Variants in DPH1 observed in about 807,000 individuals in gnomAD.
The protein encoded by DPH1 is diphthamide biosynthesis 1, also known as 2-(3-amino-3-carboxypropyl)histidine synthase subunit 1.
DPH1 carries 59 observed loss-of-function variants against 55.3 expected under a neutral mutation model. That is an observed-to-expected ratio of 1.07 (90% CI 0.87 to 1.33). DPH1 has a LOEUF of 1.33. Ranked by LOEUF, DPH1 falls within the 40% of genes most tolerant of loss-of-function variation. The pLI, the probability that DPH1 is intolerant of heterozygous loss-of-function variation, is 0.00. For synonymous variants in DPH1, 238 were observed against 235.5 expected (o/e 1.01, Z -0.10); for missense variants, 628 against 584.8 (o/e 1.07, Z -0.76).
intron 1 of DPH1, among the ~76,000 whole-genome samples, chr17:2,032,578 C>G (rs1467800356): frequency 6.6e-6 from 1 of 152,166 alleles, no homozygotes; most frequent in Non-Finnish European, 1.5e-5. Context: ...TGTTACCAAA[C>G]TCAACTTGGG....
intron 12 of DPH1, 152 bp downstream of exon 12, chr17:2,042,027 C>T: frequency 6.7e-7 from 1 of 1,499,380 alleles, no homozygotes; most frequent in African/African-American, 1.4e-5. Context: ...CCGGTGCTTC[C>T]GTCGCTCCTT....
intron 1 of DPH1, 57 bp downstream of exon 1, chr17:2,030,287 G>A: frequency 6.6e-7 from 1 of 1,526,532 alleles, no homozygotes; most frequent in Non-Finnish European, 8.8e-7. Context: ...GGGCCCCCAA[G>A]TTAGGGACAG....
intron 1 of DPH1, 104 bp downstream of exon 1, chr17:2,030,334 G>T (rs1353007611): frequency 1.5e-6 from 2 of 1,325,988 alleles, no homozygotes; most frequent in African/African-American, 3.0e-5. Context: ...GCCTTTCTCC[G>T]CTAGATCCCG....
At chr17:2,030,344 G>C in intron 1 of DPH1, 114 bp downstream of exon 1, 1 of 1,260,372 alleles carries the variant, frequency 7.9e-7, no homozygotes, top group Non-Finnish European at 1.1e-6. Flanking sequence ...GCTAGATCCC[G>C]CTGTTAGTCG....
intron 1 of DPH1, among the ~76,000 whole-genome samples, chr17:2,031,927 C>T (rs903545671): frequency 3.9e-5 from 6 of 152,128 alleles, no homozygotes; most frequent in African/African-American, 1.4e-4. Context: ...GACAAGGTCA[C>T]TTTTCTGTCC....
chr17:2,034,013 C>T (rs1265084289), intron 3 of DPH1, among the ~76,000 whole-genome samples, 171 bp downstream of exon 3: 1 of 152,172 alleles, frequency 6.6e-6, no homozygotes, highest in Non-Finnish European at 1.5e-5. Context: ...CAAAACAAAT[C>T]TCCCAGCTTG....
chr17:2,039,490 G>A, intron 6 of DPH1: 1 of 395,194 alleles, frequency 2.5e-6, no homozygotes, highest in Non-Finnish European at 4.8e-6. Context: ...CCATTCTCCT[G>A]CCTCAGCCTC....
intron 1 of DPH1, among the ~76,000 whole-genome samples, chr17:2,031,711 A>C (rs1010720519): frequency 2.6e-5 from 4 of 152,122 alleles, no homozygotes; most frequent in African/African-American, 9.7e-5. Flanking sequence ...CCTGCACTCC[A>C]GCCTGGGTGA....
intron 12 of DPH1, chr17:2,042,085 C>A (rs759602658): frequency 7.0e-6 from 11 of 1,565,222 alleles, no homozygotes; most frequent in Non-Finnish European, 3.4e-6. Context: ...CTGTGCCTGG[C>A]GGGCTTCCGG....
At position 2,035,912 on chromosome 17, in the gene DPH1, C is replaced by T. The variant is rs200627282; in HGVS notation, c.279-58C>T. 809 of 1,603,374 alleles carry T rather than the reference C, an allele frequency of 5.0e-4. 3 individuals carry two copies. Among genetic ancestry groups the T allele is most frequent in the Middle Eastern group, 4.0e-3 (24 of 6,018 alleles). On this transcript the variant is annotated intron_variant, in intron 3 of 12. Transcript: ENST00000263083. ...CTGAGACACCCTCCCAGGGTTGGGT[C>T]TCTCCTACCTCAGTCCCTGTGTCCC...
Position 2,041,874 on chromosome 17 carries a change from A to C in DPH1, c.*17A>C, listed in dbSNP as rs770506711. The stretch of plus-strand genomic sequence containing the variant: ...GCTCCTTGACGCGCTCCCGGGCCTC[A>C]GGTATCAGCCCCCGCTCTGGGTGCG... On this transcript the variant is annotated splice_region_variant and 3_prime_UTR_variant, in exon 12 of 13. Transcript: ENST00000263083. 9 of 1,577,048 alleles carry C rather than the reference A, an allele frequency of 5.7e-6. No individual in the cohort carries two copies. The highest frequency in any genetic ancestry group is 7.7e-6 in the Non-Finnish European group (9 of 1,165,234).
intron 6 of DPH1, among the ~76,000 whole-genome samples, chr17:2,038,621 T>A (rs1216719777): frequency 6.6e-6 from 1 of 152,158 alleles, no homozygotes; most frequent in Non-Finnish European, 1.5e-5. Flanking sequence ...GGTTGCATGA[T>A]CTTTATGAGA....
Position 2,042,478 on chromosome 17 carries a change from C to T in DPH1, c.*19-127C>T, listed in dbSNP as rs777722231. ...TCCACTCATTTCCCCCCTCTCATTT[C>T]CCCCAGACTTTTGCCTCGATTCCCT... On this transcript the variant is annotated intron_variant, in intron 12 of 12. Transcript: ENST00000263083. The T allele has an allele frequency of 1.1e-4, 153 of 1,378,796 alleles. No individual in the cohort carries two copies. The African/African-American group carries it at 2.1e-3, about 19-fold the overall frequency. The allele number at this position is 1,378,796 out of a possible 1,614,324, so 85.4% of individuals were successfully genotyped here.
chr17:2,031,437 C>T (rs184736449), intron 1 of DPH1, among the ~76,000 whole-genome samples: 227 of 151,876 alleles, frequency 1.5e-3, no homozygotes, highest in Middle Eastern at 0.014. Flanking sequence ...TAGCACACGC[C>T]TGTAATCCCA....
In DPH1 at chr17:2,039,883, A is replaced by G. The variant is rs529470685; in HGVS notation, c.749+60A>G. ...TGAGGGGTGAGATTCCCTGCCACTG[A>G]GGTCCTCAATTGGTTGCATCCCCAT... On this transcript the variant is annotated intron_variant, in intron 7 of 12. Transcript: ENST00000263083. 25 of 1,609,362 alleles carry G rather than the reference A, an allele frequency of 1.6e-5. No individual in the cohort carries two copies. The South Asian group carries it at 2.2e-4, about 14-fold the overall frequency.
chr17:2,043,307 A>G lies in DPH1; in HGVS notation c.*721A>G, dbSNP rs1352340409. 4.8e-6 allele frequency: 3 copies of G among 619,776 alleles called. No individual in the cohort carries two copies. Among genetic ancestry groups the G allele is most frequent in the Non-Finnish European group, 8.0e-6 (3 of 373,588 alleles). The allele number at this position is 619,776 out of a possible 1,614,324, so 38.4% of individuals were successfully genotyped here. A position where few individuals can be genotyped will look rare whatever the true frequency, so the allele number is the denominator to read the frequency against. On this transcript the variant is annotated 3_prime_UTR_variant, in exon 13 of 13. Transcript: ENST00000263083. ...AGGGGAGCACAAGGCCTTAATGGAC[A>G]TTGACTTGTGAAAACGCAAACATGA...
In DPH1 at chr17:2,040,326, C is replaced by A; in HGVS notation, c.858C>A (p.Gly286=). The A allele has an allele frequency of 6.2e-7, 1 of 1,614,062 alleles. No individual in the cohort carries two copies. Among genetic ancestry groups the A allele is most frequent in the Non-Finnish European group, 8.5e-7 (1 of 1,180,046 alleles). The change falls in exon 8 of 13, where the codon GGC becomes GGA. Residue 286 remains glycine (G), a synonymous_variant. Transcript: ENST00000263083. ...CTGCCCGCTCAGCTAAGTCCTGGGG[C>A]CTTATTCTGGGCACTTTGGGCCGCC... ...IATARSAKSW[G]LILGTLGRQG...
chr17:2,041,433 G>A, intron 10 of DPH1, 48 bp from the exon 11 acceptor site: 1 of 1,566,784 alleles, frequency 6.4e-7, no homozygotes, highest in Non-Finnish European at 8.7e-7. Context: ...TAATCCAGGG[G>A]CAGAAAAACA....
chr17:2,033,286 C>CTGT, intron 1 of DPH1: 1 of 640,480 alleles, frequency 1.6e-6, no homozygotes, highest in Non-Finnish European at 2.7e-6. Flanking sequence ...ACTTGGGTGA[C>CTGT]TGTTGTTTAT....
Sources: allele counts gnomAD v4.1 joint callset (sites outside exome capture counted in the v4.1 genomes callset), GRCh38; gene constraint gnomAD v4.1.1; transcripts MANE v1.5; gene names NCBI Gene and HGNC (gene_info 2026-07-23, HGNC 2026-07-21).